WNT4: variants seen among roughly 807,000 people sequenced by gnomAD.
WNT4 encodes Wnt family member 4, also known as protein Wnt-4.
Under a neutral mutation model 34.5 loss-of-function variants are expected in WNT4, and 16 were observed. That is an observed-to-expected ratio of 0.46 (90% CI 0.31 to 0.70). The LOEUF (loss-of-function observed/expected upper bound fraction) is 0.70. Among genes scored for constraint, WNT4 ranks in the 30% least tolerant of loss-of-function variants. The pLI, the probability that WNT4 is intolerant of heterozygous loss-of-function variation, is 0.04. For synonymous variants in WNT4, 200 were observed against 211.9 expected (o/e 0.94, Z 0.49); for missense variants, 379 against 495.9 (o/e 0.76, Z 2.24).
intron 1 of WNT4, among the ~76,000 whole-genome samples, chr1:22,141,059 G>A (rs1646062261): frequency 6.6e-6 from 1 of 152,236 alleles, no homozygotes; most frequent in Non-Finnish European, 1.5e-5. Flanking sequence ...CAGCTTCAGG[G>A]AAGGGGGTAT....
chr1:22,127,981 TA>T (rs1645953305), intron 2 of WNT4, among the ~76,000 whole-genome samples: 1 of 152,210 alleles, frequency 6.6e-6, no homozygotes, highest in Admixed American at 6.5e-5. Context: ...AATACACACC[TA>T]CTGTGTCCAA....
chr1:22,120,535 G>A lies in WNT4; in HGVS notation c.589-18C>T. 1.3e-6 allele frequency: 2 copies of A among 1,597,596 alleles called. No individual in the cohort carries two copies. Among genetic ancestry groups the A allele is most frequent in the Non-Finnish European group, 1.7e-6 (2 of 1,172,386 alleles). Reference sequence around the variant, plus strand: ...AGGATGGCCTGTGGGAGAGGGTGGGGGAGAGGGGCCATCAGGAGATGGCAA... The same window carrying A: ...AGGATGGCCTGTGGGAGAGGGTGGGAGAGAGGGGCCATCAGGAGATGGCAA... On this transcript the variant is annotated intron_variant, in intron 4 of 4. Transcript: ENST00000290167.
rs1646032750 is a variant in WNT4, at chr1:22,137,614, G to A, written c.77+5232C>T. Among the ~76,000 whole-genome samples, 1 of 152,246 alleles carries A rather than the reference G, an allele frequency of 6.6e-6. No individual in the cohort carries two copies. The highest frequency in any genetic ancestry group is 1.5e-5 in the Non-Finnish European group (1 of 68,038). On this transcript the variant is annotated intron_variant, in intron 1 of 4. Transcript: ENST00000290167. This position sits in a 1 kb window ranked among gnomAD's most constrained non-coding sequence, Gnocchi z 5.3. ...CAACAGGTTTGGGGAGCACTGTCTT[G>A]TCAGATGCTTGCTGTGTTGCTCAAT...
intron 1 of WNT4, among the ~76,000 whole-genome samples, chr1:22,133,015 A>G (rs1368305351): frequency 6.6e-6 from 1 of 152,064 alleles, no homozygotes; most frequent in Non-Finnish European, 1.5e-5. Flanking sequence ...ATTTGGCTCC[A>G]TTTCACAGAT....
Position 22,135,139 on chromosome 1 carries a change from G to A in WNT4, c.78-5288C>T, listed in dbSNP as rs571012526. Among the ~76,000 whole-genome samples the A allele has an allele frequency of 8.5e-5, 13 of 152,282 alleles. No homozygotes were observed. The South Asian group carries it at 2.7e-3, about 32-fold the overall frequency. On this transcript the variant is annotated intron_variant, in intron 1 of 4. Transcript: ENST00000290167. Reference sequence around the variant, plus strand: ...AGCTGGGACACTGGGGTGAGGGCAGGGACAGTGGTGTGCAGGACAAGCTCA... The same window carrying A: ...AGCTGGGACACTGGGGTGAGGGCAGAGACAGTGGTGTGCAGGACAAGCTCA...
At chr1:22,138,723 G>C (rs1249015379) in intron 1 of WNT4, among the ~76,000 whole-genome samples, 1 of 152,148 alleles carries the variant, frequency 6.6e-6, no homozygotes, top group Non-Finnish European at 1.5e-5. Context: ...GGAATCAAGG[G>C]CACACTTCCT....
At chr1:22,122,192 TAAC>T (rs1310528065) in intron 2 of WNT4, among the ~76,000 whole-genome samples, 2 of 152,266 alleles carry the variant, frequency 1.3e-5, no homozygotes, top group South Asian at 2.1e-4. Flanking sequence ...TAAACCGTAA[TAAC>T]AACAGCTTCT....
At chr1:22,135,317 T>C (rs1354833955) in intron 1 of WNT4, among the ~76,000 whole-genome samples, 2 of 152,258 alleles carry the variant, frequency 1.3e-5, no homozygotes, top group East Asian at 3.8e-4. Context: ...CCCCTCTGTT[T>C]CGCAGATGAG....
intron 2 of WNT4, among the ~76,000 whole-genome samples, chr1:22,121,999 C>G (rs1056417436): frequency 1.1e-4 from 17 of 152,154 alleles, no homozygotes; most frequent in Non-Finnish European, 1.8e-4. Context: ...ACCAGACAGG[C>G]TGGGAGAGGT....
Position 22,142,363 on chromosome 1 carries a change from C to T in WNT4, c.77+483G>A, listed in dbSNP as rs1413430119. Among the ~76,000 whole-genome samples the T allele has an allele frequency of 6.6e-6, 1 of 151,982 alleles. No homozygotes were observed. The highest frequency in any genetic ancestry group is 1.5e-5 in the Non-Finnish European group (1 of 67,960). ...CCCCAAGCAGAAACAGGTCCCTGCA[C>T]GCCTCCAGCCCAGCCCGCAGCGCGG... On this transcript the variant is annotated intron_variant, in intron 1 of 4. Coordinates refer to ENST00000290167, the MANE Select transcript of WNT4 (RefSeq NM_030761.5). This position sits in a 1 kb window ranked among gnomAD's most constrained non-coding sequence, Gnocchi z 6.0.
rs1360479173 is a variant in WNT4 at position 22,119,662 on chromosome 1, C to G, written c.*388G>C. 6 of 324,960 alleles carry G rather than the reference C, an allele frequency of 1.8e-5. No individual in the cohort carries two copies. In the East Asian group the frequency reaches 4.6e-4, roughly 25 times the overall value. 20.1% of individuals were successfully genotyped at this position (324,960 alleles called of 1,614,324 possible). ...TCCATCAAGTCGGTACCTATTTTCC[C>G]TGCCATAAGGCCCCCTCTTCCCCGA... On this transcript the variant is annotated 3_prime_UTR_variant, in exon 5 of 5. Transcript: ENST00000290167.
intron 1 of WNT4, among the ~76,000 whole-genome samples, chr1:22,131,617 C>T (rs529234957): frequency 1.3e-5 from 2 of 152,186 alleles, no homozygotes; most frequent in Non-Finnish European, 2.9e-5. Flanking sequence ...ATGGAGATAA[C>T]GGTTCTCACC....
At position 22,137,797 on chromosome 1, in the gene WNT4, C is replaced by A. The variant is rs1451758417; in HGVS notation, c.77+5049G>T. Among the ~76,000 whole-genome samples, 1 of 152,172 alleles carries A rather than the reference C, an allele frequency of 6.6e-6. No homozygotes were observed. Among genetic ancestry groups the A allele is most frequent in the Non-Finnish European group, 1.5e-5 (1 of 68,026 alleles). ...GCTCTCAGGGTCTGTTCCGGCCCAG[C>A]AGTGAGGGGCAGAGCAGCAGATCGG... is the stretch of plus-strand genomic sequence containing the variant. On this transcript the variant is annotated intron_variant, in intron 1 of 4. Coordinates refer to ENST00000290167, the MANE Select transcript of WNT4 (RefSeq NM_030761.5). The surrounding 1 kb of genome is among the most constrained non-coding windows in gnomAD (Gnocchi z 5.3).
At chr1:22,123,899 C>T (rs112802796) in intron 2 of WNT4, among the ~76,000 whole-genome samples, 1,861 of 152,316 alleles carry the variant, frequency 0.012, 38 homozygotes, top group African/African-American at 0.043. Flanking sequence ...GGATGGTGAA[C>T]AGTTGGCCTC....
At position 22,142,983 on chromosome 1, in the gene WNT4, G is replaced by C. The variant is rs1646084727; in HGVS notation, c.-61C>G. 5.2e-6 allele frequency: 5 copies of C among 954,376 alleles called. No individual in the cohort carries two copies. The highest frequency in any genetic ancestry group is 6.2e-6 in the Non-Finnish European group (5 of 804,842). 59.1% of individuals were successfully genotyped at this position (954,376 alleles called of 1,614,324 possible). On this transcript the variant is annotated 5_prime_UTR_variant, in exon 1 of 5. Coordinates refer to ENST00000290167, the MANE Select transcript of WNT4 (RefSeq NM_030761.5). The surrounding 1 kb of genome is among the most constrained non-coding windows in gnomAD (Gnocchi z 6.0). ...TGCGGCCGCGGGGGGCCTCCCGTCG[G>C]GGCTGCAGGTGGGCGCCCGCGGGCG...
chr1:22,136,766 T>C (rs141009703), intron 1 of WNT4, among the ~76,000 whole-genome samples: 22 of 152,284 alleles, frequency 1.4e-4, no homozygotes, highest in African/African-American at 4.8e-4. Context: ...TCGACATGTT[T>C]GCCTGGGGGC....
intron 2 of WNT4, among the ~76,000 whole-genome samples, chr1:22,124,142 A>G (rs1645923654): frequency 6.6e-6 from 1 of 152,214 alleles, no homozygotes; most frequent in Admixed American, 6.5e-5. Context: ...ACTCAGATAT[A>G]GAGAAAGAAC....
In WNT4 at chr1:22,139,930, C is replaced by G. The variant is rs1471107302; in HGVS notation, c.77+2916G>C. On this transcript the variant is annotated intron_variant, in intron 1 of 4. Transcript: ENST00000290167. This position sits in a 1 kb window ranked among gnomAD's most constrained non-coding sequence, Gnocchi z 4.6. ...GGGTGCCAGACGAGAGTCTAATCAA[C>G]AGCTCCCAGCTTCTCTGGGCCTGCC... Among the ~76,000 whole-genome samples the G allele has an allele frequency of 6.6e-6, 1 of 152,240 alleles. No individual in the cohort carries two copies. Among genetic ancestry groups the G allele is most frequent in the African/African-American group, 2.4e-5 (1 of 41,460 alleles).
In WNT4 at chr1:22,120,247, C is replaced by G. The variant is rs752422609; in HGVS notation, c.859G>C (p.Gly287Arg). ...GTGCGGCCCCTCGTGCCCAGCACGC[C>G]GCTGCGCATGTCCTGCTCACAGAAG... ...PDFCEQDMRSGVLGTRGRTCN... is the reference protein window; with the variant it reads ...PDFCEQDMRSRVLGTRGRTCN... The change falls in exon 5 of 5, where the codon GGC becomes CGC. Residue 287 changes from glycine to arginine, a missense_variant. By Grantham distance (125) the Gly-to-Arg change is moderately radical. This residue lies in a region of WNT4 where 313 missense variants were observed against 445.8 expected (regional missense o/e 0.70). Coordinates refer to ENST00000290167, the MANE Select transcript of WNT4 (RefSeq NM_030761.5). The G allele has an allele frequency of 1.2e-6, 2 of 1,614,166 alleles. No individual in the cohort carries two copies. The highest frequency in any genetic ancestry group is 2.2e-5 in the East Asian group (1 of 44,890).
Sources: allele counts gnomAD v4.1 joint callset (sites outside exome capture counted in the v4.1 genomes callset), GRCh38; gene constraint gnomAD v4.1.1; regional missense constraint gnomAD v4.1.1; non-coding constraint Gnocchi (gnomAD v3.1); transcripts MANE v1.5; gene names NCBI Gene and HGNC (gene_info 2026-07-23, HGNC 2026-07-21).